PCDH11Y: variants seen among roughly 807,000 people sequenced by gnomAD.
PCDH11Y encodes protocadherin-11 Y-linked.
For synonymous variants in PCDH11Y, 9 were observed against 83.6 expected (o/e 0.11, Z 4.87); for missense variants, 12 against 224.8 (o/e 0.05, Z 6.05).
intron 3 of PCDH11Y, among the ~76,000 whole-genome samples, chrY:5,552,077 T>G: frequency 3.0e-5 from 1 of 33,114 alleles, no homozygotes; most frequent in African/African-American, 1.2e-4. Flanking sequence ...GAAAAAGATA[T>G]TTCTCCTCCT....
intron 2 of PCDH11Y, among the ~76,000 whole-genome samples, chrY:5,265,475 GTTA>G (rs2053024398): frequency 4.8e-5 from 1 of 20,628 alleles, no homozygotes; most frequent in African/African-American, 1.9e-4. Flanking sequence ...TGCTGATTAT[GTTA>G]TTGATTATAT....
intron 3 of PCDH11Y, among the ~76,000 whole-genome samples, chrY:5,530,993 T>C (rs2053392722): frequency 1.4e-4 from 4 of 28,159 alleles, no homozygotes; most frequent in African/African-American, 5.5e-4. Flanking sequence ...TTTTTTTTTT[T>C]GCCCCTTTCC....
chrY:5,118,342 C>T (rs2052814002), intron 2 of PCDH11Y, among the ~76,000 whole-genome samples: 1 of 32,571 alleles, frequency 3.1e-5, no homozygotes, highest in African/African-American at 1.2e-4. Context: ...GATTCTCCCA[C>T]TTCAGACTCC....
chrY:5,689,490 T>G, intron 4 of PCDH11Y, among the ~76,000 whole-genome samples: 1 of 33,782 alleles, frequency 3.0e-5, no homozygotes, highest in Admixed American at 2.7e-4. Flanking sequence ...CGTTGCCATA[T>G]TTTGAAACTA....
chrY:5,036,933 TTAAAACTAGAAAATCA>T (rs2052599609), intron 3 of PCDH11Y: 1 of 87,313 alleles, frequency 1.1e-5, no homozygotes, highest in African/African-American at 1.1e-4. Context: ...TCATTTATTT[TTAAAACTAGAAAATCA>T]AACCAAAAGT....
chrY:5,180,724 G>T, intron 2 of PCDH11Y, among the ~76,000 whole-genome samples: 1 of 32,681 alleles, frequency 3.1e-5, no homozygotes, highest in Non-Finnish European at 7.5e-5. Context: ...TATTTTATTA[G>T]AGACTAGGAT....
chrY:5,276,758 G>C (rs2124660200), intron 2 of PCDH11Y, among the ~76,000 whole-genome samples: 2 of 33,088 alleles, frequency 6.0e-5, no homozygotes, highest in African/African-American at 2.3e-4. Context: ...TCTGACCCTT[G>C]GTTTGAAATT....
chrY:5,617,739 C>T (rs1602952187), intron 4 of PCDH11Y, among the ~76,000 whole-genome samples: 2 of 32,072 alleles, frequency 6.2e-5, no homozygotes, highest in African/African-American at 2.4e-4. Context: ...TTTCTTAAAA[C>T]TAAAAAAAAA....
At chrY:5,117,186 A>T in intron 2 of PCDH11Y, among the ~76,000 whole-genome samples, 1 of 31,907 alleles carries the variant, frequency 3.1e-5, no homozygotes, top group Admixed American at 2.9e-4. Context: ...GGATAAGGTG[A>T]CTCTTTTTAC....
chrY:5,739,883 A>C (rs1602966225), exon 5 of PCDH11Y: 2 of 33,351 alleles, frequency 6.0e-5, no homozygotes, highest in South Asian at 6.8e-4. Flanking sequence ...GACTGATGAT[A>C]TTTGAATGTT....
intron 4 of PCDH11Y, among the ~76,000 whole-genome samples, chrY:5,621,393 A>G: frequency 1.8e-4 from 6 of 32,856 alleles, no homozygotes; most frequent in African/African-American, 3.6e-4. Context: ...AGGAAATCAG[A>G]GAAGACACAA....
At chrY:5,593,691 T>G (rs2053464426) in intron 4 of PCDH11Y, among the ~76,000 whole-genome samples, 1 of 31,761 alleles carries the variant, frequency 3.1e-5, no homozygotes, top group Admixed American at 2.9e-4. Flanking sequence ...TTTGTTTTTT[T>G]TTTTTAATCC....
At chrY:5,357,235 GTATATATATATATACGTATATATATA>G (rs2053168562) in intron 2 of PCDH11Y, among the ~76,000 whole-genome samples, 6 of 15,728 alleles carry the variant, frequency 3.8e-4, no homozygotes, top group South Asian at 2.7e-3. Context: ...ATATATACGT[GTATATATATATATACGTATATATATA>G]TATATATATA....
At chrY:5,576,609 T>C (rs2053446263) in intron 3 of PCDH11Y, among the ~76,000 whole-genome samples, 1 of 33,577 alleles carries the variant, frequency 3.0e-5, no homozygotes, top group African/African-American at 1.1e-4. Context: ...AATTTTTGCC[T>C]TATATTTTTA....
chrY:5,475,658 G>T (rs2053317948), intron 2 of PCDH11Y, among the ~76,000 whole-genome samples: 1 of 31,772 alleles, frequency 3.1e-5, no homozygotes, highest in Non-Finnish European at 7.7e-5. Context: ...TTGGAATCAT[G>T]GTAATGCTTT....
At chrY:5,658,364 A>G (rs2053538533) in intron 4 of PCDH11Y, among the ~76,000 whole-genome samples, 1 of 32,879 alleles carries the variant, frequency 3.0e-5, no homozygotes, top group Non-Finnish European at 7.5e-5. Context: ...TTATTTCTCT[A>G]GATTTGGAAA....
intron 2 of PCDH11Y, among the ~76,000 whole-genome samples, chrY:5,372,757 CTCTT>C (rs2053189029): frequency 2.4e-4 from 6 of 24,813 alleles, no homozygotes; most frequent in Non-Finnish European, 9.3e-5. Context: ...TTTCTTTTCT[CTCTT>C]TCTTTCTTTT....
chrY:5,151,279 C>A, intron 2 of PCDH11Y, among the ~76,000 whole-genome samples: 17 of 32,961 alleles, frequency 5.2e-4, no homozygotes, highest in Admixed American at 1.7e-3. Context: ...GGAGAAAAAT[C>A]ATTCTGAAAG....
chrY:5,499,478 T>C (rs2053350148), intron 2 of PCDH11Y, among the ~76,000 whole-genome samples: 1 of 32,611 alleles, frequency 3.1e-5, no homozygotes, highest in Non-Finnish European at 7.5e-5. Flanking sequence ...TAAAAAATAA[T>C]GGCTAAAAAC....
Sources: allele counts gnomAD v4.1 joint callset (sites outside exome capture counted in the v4.1 genomes callset), GRCh38; gene constraint gnomAD v4.1.1; transcripts MANE v1.5; gene names NCBI Gene and HGNC (gene_info 2026-07-23, HGNC 2026-07-21).